The following KLK2 variants were observed in gnomAD, a reference collection of about 807,000 sequenced individuals.
KLK2 encodes kallikrein-2.
A neutral mutation model predicts 23.0 loss-of-function variants in KLK2; 17 were observed. The ratio of observed to expected loss-of-function variants is 0.74; its 90% CI spans 0.51 to 1.11. The LOEUF (loss-of-function observed/expected upper bound fraction) is 1.11, where lower values mean the gene tolerates loss of function less well. Ranked by LOEUF, KLK2 falls within the 50% of genes least tolerant of loss-of-function variation. KLK2 has a pLI of 0.00. For missense variants in KLK2, 330 were observed against 325.9 expected (o/e 1.01, Z -0.10); for synonymous variants, 140 against 124.7 (o/e 1.12, Z -0.82).
chr19:50,873,544 G>C (rs1304314344), intron 1 of KLK2, 25 bp downstream of exon 1: 2 of 1,200,850 alleles, frequency 1.7e-6, no homozygotes, highest in Admixed American at 1.8e-5. Flanking sequence ...ATAAAGGAAG[G>C]GGGGCGGGTT....
rs980896909 is a variant in KLK2, at chr19:50,879,245, T to G, written c.*686T>G. The G allele has an allele frequency of 4.3e-6, 1 of 232,832 alleles. No homozygotes were observed. Among genetic ancestry groups the G allele is most frequent in the Non-Finnish European group, 8.5e-6 (1 of 117,858 alleles). The allele number at this position is 232,832 out of a possible 1,614,324, so 14.4% of individuals were successfully genotyped here. On this transcript the variant is annotated 3_prime_UTR_variant, in exon 5 of 5. Coordinates refer to ENST00000325321, the MANE Select transcript of KLK2 (RefSeq NM_005551.5). Reference sequence around the variant, plus strand: ...TATCATGCTGTGGTTTATTATGGTTTGTTACATTGATAGGATACATACTGA... The same window carrying G: ...TATCATGCTGTGGTTTATTATGGTTGGTTACATTGATAGGATACATACTGA...
At chr19:50,877,213 C>T (rs1440898857) in intron 4 of KLK2, 2 of 646,006 alleles carry the variant, frequency 3.1e-6, no homozygotes, top group Non-Finnish European at 5.4e-6. Flanking sequence ...CATAATTCAC[C>T]CATTCCTGTG....
rs2090317318 is a variant in KLK2 at position 50,878,993 on chromosome 19, C to T, written c.*434C>T. 1 of 239,808 alleles carries T rather than the reference C, an allele frequency of 4.2e-6. No individual in the cohort carries two copies. 14.9% of individuals were successfully genotyped at this position (239,808 alleles called of 1,614,324 possible). A position where few individuals can be genotyped will look rare whatever the true frequency, so the allele number is the denominator to read the frequency against. On this transcript the variant is annotated 3_prime_UTR_variant, in exon 5 of 5. Coordinates refer to ENST00000325321, the MANE Select transcript of KLK2 (RefSeq NM_005551.5). ...AGCTGGAGCCACAATGCATGAGGCA[C>T]ACACACAGCAAGGATGACGCTGTAA... is the stretch of plus-strand genomic sequence containing the variant.
intron 4 of KLK2, 156 bp downstream of exon 4, chr19:50,877,164 C>A (rs563623728): frequency 2.4e-6 from 2 of 846,686 alleles, no homozygotes; most frequent in Non-Finnish European, 3.8e-6. Context: ...CTCCTTCCCC[C>A]TTCCCTGACT....
At chr19:50,876,241 T>C (rs1026202959) in intron 2 of KLK2, 3 of 574,358 alleles carry the variant, frequency 5.2e-6, no homozygotes, top group African/African-American at 3.7e-5. Flanking sequence ...TGCCATTTTA[T>C]GCTCTCTCTT....
In KLK2 at chr19:50,879,095, A is replaced by G. The variant is rs141318172; in HGVS notation, c.*536A>G. On this transcript the variant is annotated 3_prime_UTR_variant, in exon 5 of 5. Coordinates refer to ENST00000325321, the MANE Select transcript of KLK2 (RefSeq NM_005551.5). ...GCAGAAAGAAGGGGAGGATCCTCCT[A>G]TGTTGTTGAAGGAGGGACTAGGGGG... is the stretch of plus-strand genomic sequence containing the variant. The G allele has an allele frequency of 8.6e-6, 2 of 233,180 alleles. No individual in the cohort carries two copies. Among genetic ancestry groups the G allele is most frequent in the African/African-American group, 2.2e-5 (1 of 45,450 alleles). The allele number at this position is 233,180 out of a possible 1,614,324, so 14.4% of individuals were successfully genotyped here.
chr19:50,874,696 C>T (rs1259672663), intron 1 of KLK2, 25 bp from the exon 2 acceptor site: 4 of 1,594,182 alleles, frequency 2.5e-6, no homozygotes, highest in Non-Finnish European at 3.4e-6. Flanking sequence ...GGTCTGATCC[C>T]CCTGACCCAG....
rs1196856705 is a variant in KLK2 at position 50,879,153 on chromosome 19, T to C, written c.*594T>C. On this transcript the variant is annotated 3_prime_UTR_variant, in exon 5 of 5. Coordinates refer to ENST00000325321, the MANE Select transcript of KLK2 (RefSeq NM_005551.5). The stretch of plus-strand genomic sequence containing the variant: ...GAAAGCTGATTAATTACAGGAGGTT[T>C]GTTCAGGTCCCCCAAACCACCGTCA... 4.3e-6 allele frequency: 1 copy of C among 233,020 alleles called. No homozygotes were observed. The highest frequency in any genetic ancestry group is 5.6e-5 in the Admixed American group (1 of 17,786). The allele number at this position is 233,020 out of a possible 1,614,324, so 14.4% of individuals were successfully genotyped here.
At position 50,873,507 on chromosome 19, in the gene KLK2, G is replaced by A; in HGVS notation, c.34G>A (p.Val12Met). Residue 12 changes from valine to methionine, a missense_variant, in exon 1 of 5, where the codon GTG (valine) becomes ATG (methionine). Transcript: ENST00000325321. ...CCTGGTTCTCTCCATCGCCTTGTCT[G>A]TGGGGTGCACTGGTGAGATTGGGGG... ...WDLVLSIALS[V>M]GCTGAVPLIQ... 6.3e-7 allele frequency: 1 copy of A among 1,599,760 alleles called. No homozygotes were observed. Among genetic ancestry groups the A allele is most frequent in the South Asian group, 1.1e-5 (1 of 89,084 alleles).
chr19:50,874,923 C>T (rs766665421), intron 2 of KLK2, 43 bp downstream of exon 2: 19 of 1,598,070 alleles, frequency 1.2e-5, no homozygotes, highest in Non-Finnish European at 1.5e-5. Flanking sequence ...GGCTGTGTCC[C>T]ACAGGAATAA....
At position 50,880,492 on chromosome 19, in the gene KLK2, C is replaced by G. The variant is rs2090333046; in HGVS notation, c.*1933C>G. 1 of 217,528 alleles carries G rather than the reference C, an allele frequency of 4.6e-6. No individual in the cohort carries two copies. The highest frequency in any genetic ancestry group is 1.9e-4 in the South Asian group (1 of 5,386). The allele number at this position is 217,528 out of a possible 1,614,324, so 13.5% of individuals were successfully genotyped here. A position where few individuals can be genotyped will look rare whatever the true frequency, so the allele number is the denominator to read the frequency against. ...CTTTCCCAGTGGGTGTGGGACATAT[C>G]TGGCAAGATTTTGTGGCACTCCTGG... On this transcript the variant is annotated 3_prime_UTR_variant, in exon 5 of 5. Transcript: ENST00000325321.
rs1274654898 is a variant in KLK2, at chr19:50,879,544, T to A, written c.*985T>A. 2 of 230,270 alleles carry A rather than the reference T, an allele frequency of 8.7e-6. No individual in the cohort carries two copies. The highest frequency in any genetic ancestry group is 1.7e-5 in the Non-Finnish European group (2 of 116,302). The allele number at this position is 230,270 out of a possible 1,614,324, so 14.3% of individuals were successfully genotyped here. ...ATATAATTCTCCCTGCAAGGATGTA[T>A]GATAATATGTACAAAGTAATTCCAA... is the stretch of plus-strand genomic sequence containing the variant. On this transcript the variant is annotated 3_prime_UTR_variant, in exon 5 of 5. Transcript: ENST00000325321.
intron 1 of KLK2, 123 bp downstream of exon 1, chr19:50,873,642 CT>C (rs2090253392): frequency 1.5e-6 from 1 of 670,494 alleles, no homozygotes. Flanking sequence ...CAATGTGCCC[CT>C]GACTCTTCCA....
chr19:50,876,133 T>C, intron 2 of KLK2: 1 of 326,542 alleles, frequency 3.1e-6, no homozygotes, highest in South Asian at 4.7e-5. Context: ...TTCTGTTCTT[T>C]CTCCCTTCCT....
intron 2 of KLK2, 25 bp from the exon 3 acceptor site, chr19:50,876,447 A>G (rs200528165): frequency 4.0e-4 from 650 of 1,609,642 alleles, no homozygotes; most frequent in Non-Finnish European, 5.0e-4. Flanking sequence ...CTCTCTCCTC[A>G]TGCATCCACC....
chr19:50,877,258 C>T (rs1013030807), intron 4 of KLK2: 1 of 568,456 alleles, frequency 1.8e-6, no homozygotes, highest in African/African-American at 1.9e-5. Flanking sequence ...TGCTACGTGA[C>T]CAGCATTGCC....
Position 50,879,511 on chromosome 19 carries a change from C to T in KLK2, c.*952C>T, listed in dbSNP as rs191767061. ...GTTATTCTCTCCAAGTGGAGACTTA[C>T]GGACAGCATATAATTCTCCCTGCAA... On this transcript the variant is annotated 3_prime_UTR_variant, in exon 5 of 5. Coordinates refer to ENST00000325321, the MANE Select transcript of KLK2 (RefSeq NM_005551.5). 32 of 231,014 alleles carry T rather than the reference C, an allele frequency of 1.4e-4. 1 individual carries two copies. Among genetic ancestry groups the T allele is most frequent in the African/African-American group, 4.0e-4 (18 of 45,294 alleles). The allele number at this position is 231,014 out of a possible 1,614,324, so 14.3% of individuals were successfully genotyped here.
Position 50,876,768 on chromosome 19 carries a change from G to A in KLK2, c.493+10G>A, listed in dbSNP as rs368755270. On this transcript the variant is annotated intron_variant, in intron 3 of 4. Coordinates refer to ENST00000325321, the MANE Select transcript of KLK2 (RefSeq NM_005551.5). ...ATCGAACCAGAGGAGTGTACGCCTG[G>A]GCCAGATGGTGTAGCTGGGAGCCCA... 115 of 1,613,020 alleles carry A rather than the reference G, an allele frequency of 7.1e-5. 1 individual carries two copies. The Middle Eastern group carries it at 2.8e-3, about 39-fold the overall frequency.
chr19:50,876,921 T>G lies in KLK2; in HGVS notation c.543T>G (p.Asn181Lys), dbSNP rs763886459. 2.5e-6 allele frequency: 4 copies of G among 1,614,086 alleles called. No homozygotes were observed. In the South Asian group the frequency reaches 3.3e-5, roughly 13 times the overall value. The change falls in exon 4 of 5, where the codon AAT (asparagine) becomes AAG (lysine). Residue 181 changes from asparagine (N) to lysine (K), a missense_variant. Physicochemically the swap from Asn to Lys is moderately conservative, Grantham distance 94 (BLOSUM62 0). Transcript: ENST00000325321. ...GTGTGAGCCTCCATCTCCTGTCCAATGACATGTGTGCTAGAGCTTACTCTG... is the reference window on the plus strand; with the variant it reads ...GTGTGAGCCTCCATCTCCTGTCCAAGGACATGTGTGCTAGAGCTTACTCTG... Reference protein sequence around the residue: ...LQCVSLHLLSNDMCARAYSEK... With the variant: ...LQCVSLHLLSKDMCARAYSEK...
Sources: gnomAD v4.1 joint callset for allele counts on GRCh38, gnomAD v4.1.1 for gene constraint, MANE v1.5 for transcripts, NCBI Gene and HGNC (gene_info 2026-07-23, HGNC 2026-07-21) for gene names.